Variants in RYR3 observed in about 807,000 individuals in gnomAD.
RYR3 encodes ryanodine receptor 3.
In RYR3, 207 loss-of-function variants were observed where a neutral mutation model predicts 584.3. That is an observed-to-expected ratio of 0.35 (90% CI 0.32 to 0.40). The LOEUF (loss-of-function observed/expected upper bound fraction) is 0.40. Among genes scored for constraint, RYR3 ranks in the 10% least tolerant of loss-of-function variants. The pLI, the probability that RYR3 is intolerant of heterozygous loss-of-function variation, is 1.00. For missense variants in RYR3, 5,616 were observed against 6,089.2 expected, an observed-to-expected ratio of 0.92 and a Z score of 2.59; for synonymous variants, 2,416 against 2,248.5, an observed-to-expected ratio of 1.07 and a Z score of -2.11.
chr15:33,733,495 C>T (rs1010149878), intron 48 of RYR3, among the ~76,000 whole-genome samples: 4 of 152,204 alleles, frequency 2.6e-5, no homozygotes, highest in African/African-American at 9.6e-5. Flanking sequence ...GAAGCTAATC[C>T]GAAAAGGCTA....
At chr15:33,641,600 C>T (rs753305550) in intron 27 of RYR3, among the ~76,000 whole-genome samples, 10 of 152,130 alleles carry the variant, frequency 6.6e-5, no homozygotes, top group African/African-American at 1.7e-4. Flanking sequence ...CAAGAGAAAG[C>T]GCTGGTGCTT....
intron 38 of RYR3, among the ~76,000 whole-genome samples, chr15:33,682,151 A>C (rs904045579): frequency 6.6e-6 from 1 of 152,210 alleles, no homozygotes; most frequent in Non-Finnish European, 1.5e-5. Flanking sequence ...AGAATTTCTC[A>C]TAAGGGTCAC....
In RYR3 at chr15:33,505,920, A is replaced by G. The variant is rs145144178; in HGVS notation, c.279+2182A>G. On this transcript the variant is annotated intron_variant, in intron 3 of 103. Transcript: ENST00000634891. ...AGTATCAAACTAGACCCAGCCTACC[A>G]TGGTCTCAGGATAGAAATTAAGAAG... Among the ~76,000 whole-genome samples, 205 of 152,322 alleles carry G rather than the reference A, an allele frequency of 1.3e-3. 2 individuals are homozygous for G. Among genetic ancestry groups the G allele is most frequent in the African/African-American group, 4.5e-3 (185 of 41,566 alleles).
chr15:33,498,148 T>C (rs1234068202), intron 2 of RYR3, among the ~76,000 whole-genome samples: 5 of 152,228 alleles, frequency 3.3e-5, no homozygotes, highest in African/African-American at 1.2e-4. Flanking sequence ...ATCTTTGCTA[T>C]GTAATATGCA....
intron 27 of RYR3, among the ~76,000 whole-genome samples, chr15:33,639,293 C>T (rs922936466): frequency 6.6e-5 from 10 of 152,278 alleles, no homozygotes; most frequent in African/African-American, 1.2e-4. Flanking sequence ...ATTATACTGT[C>T]GTATCATATT....
chr15:33,745,396 GA>G (rs1417456652), intron 52 of RYR3, among the ~76,000 whole-genome samples: 1 of 152,044 alleles, frequency 6.6e-6, no homozygotes, highest in African/African-American at 2.4e-5. Flanking sequence ...TATGTCTTGA[GA>G]AGGGACAGAA....
rs527281280 is a variant in RYR3 at position 33,824,792 on chromosome 15, A to G, written c.11073-811A>G. Among the ~76,000 whole-genome samples, 13 of 152,352 alleles carry G rather than the reference A, an allele frequency of 8.5e-5. No homozygotes were observed. In the East Asian group the frequency reaches 2.5e-3, roughly 29 times the overall value. On this transcript the variant is annotated intron_variant, in intron 81 of 103. Coordinates refer to ENST00000634891, the MANE Select transcript of RYR3 (RefSeq NM_001036.6). The stretch of plus-strand genomic sequence containing the variant: ...AATGGACTTAGCCATAAACTTTCCT[A>G]AGAGCTATGTTCTATGTTCTATGAA...
At chr15:33,447,031 T>G (rs2046726998) in intron 1 of RYR3, among the ~76,000 whole-genome samples, 1 of 152,232 alleles carries the variant, frequency 6.6e-6, no homozygotes, top group African/African-American at 2.4e-5. Flanking sequence ...AGTTCTTTAC[T>G]TGCATCTGCA....
intron 1 of RYR3, among the ~76,000 whole-genome samples, chr15:33,385,592 A>G (rs533063280): frequency 6.6e-6 from 1 of 152,284 alleles, no homozygotes; most frequent in East Asian, 1.9e-4. Context: ...CTAAATACTC[A>G]TCTTCTATGT....
intron 10 of RYR3, among the ~76,000 whole-genome samples, chr15:33,559,233 C>T (rs934392139): frequency 3.3e-5 from 5 of 152,158 alleles, no homozygotes; most frequent in African/African-American, 1.2e-4. Context: ...GTCCACAAAA[C>T]CATGAGATCA....
intron 32 of RYR3, among the ~76,000 whole-genome samples, chr15:33,658,831 A>G (rs943859568): frequency 6.6e-6 from 1 of 152,234 alleles, no homozygotes; most frequent in African/African-American, 2.4e-5. Flanking sequence ...TGGCAGCTGC[A>G]GCACAATCAG....
chr15:33,765,650 A>AG (rs1251760656), intron 60 of RYR3, among the ~76,000 whole-genome samples: 4 of 151,298 alleles, frequency 2.6e-5, no homozygotes, highest in African/African-American at 9.7e-5. Flanking sequence ...AAAAAAAAAA[A>AG]AAAAAGAAAA....
chr15:33,815,041 G>A (rs1191881361), intron 74 of RYR3, among the ~76,000 whole-genome samples: 1 of 149,310 alleles, frequency 6.7e-6, no homozygotes, highest in Non-Finnish European at 1.5e-5. Flanking sequence ...CTGCACTCCA[G>A]CCTGGGTGAC....
At chr15:33,374,364 A>ATG (rs138831585) in intron 1 of RYR3, among the ~76,000 whole-genome samples, 16,026 of 144,882 alleles carry the variant, frequency 0.11, 864 homozygotes, top group Middle Eastern at 0.13. Flanking sequence ...GTACGAGTGT[A>ATG]TGTGTGTGTG....
intron 14 of RYR3, 60 bp downstream of exon 14, chr15:33,581,703 T>G: frequency 6.8e-7 from 1 of 1,467,124 alleles, no homozygotes; most frequent in Non-Finnish European, 9.5e-7. Context: ...CCACGTGCAA[T>G]CCCAAGATTG....
chr15:33,826,341 A>G, intron 83 of RYR3, 72 bp downstream of exon 83: 1 of 1,475,698 alleles, frequency 6.8e-7, no homozygotes, highest in South Asian at 1.1e-5. Flanking sequence ...TTGCCTCAGC[A>G]CAGAAACATT....
At chr15:33,845,652 C>T (rs768823347) in intron 93 of RYR3, among the ~76,000 whole-genome samples, 1 of 152,204 alleles carries the variant, frequency 6.6e-6, no homozygotes, top group Non-Finnish European at 1.5e-5. Flanking sequence ...AGTCCCATTT[C>T]AGGTACCTCT....
At chr15:33,594,400 CA>C (rs1339624745) in intron 16 of RYR3, among the ~76,000 whole-genome samples, 2 of 152,258 alleles carry the variant, frequency 1.3e-5, no homozygotes, top group East Asian at 3.9e-4. Context: ...AAATATGCTC[CA>C]AATTTTGTTC....
At chr15:33,725,296 C>T (rs889099900) in intron 45 of RYR3, among the ~76,000 whole-genome samples, 6 of 152,036 alleles carry the variant, frequency 3.9e-5, no homozygotes, top group African/African-American at 1.5e-4. Context: ...TCTTCTCTAC[C>T]CTTGGAGATG....
Sources: allele counts gnomAD v4.1 joint callset (sites outside exome capture counted in the v4.1 genomes callset), GRCh38; gene constraint gnomAD v4.1.1; transcripts MANE v1.5; gene names NCBI Gene and HGNC (gene_info 2026-07-23, HGNC 2026-07-21).